The following MTAP variants were observed in gnomAD, a reference collection of about 807,000 sequenced individuals.
The protein encoded by MTAP is methylthioadenosine phosphorylase.
In MTAP, 33 loss-of-function variants were observed where a neutral mutation model predicts 33.6. The observed-to-expected ratio is 0.98, with a 90% CI of 0.74 to 1.31. The LOEUF (loss-of-function observed/expected upper bound fraction) is 1.31. Ranked by LOEUF, MTAP falls within the 40% of genes most tolerant of loss-of-function variation. The pLI is 0.00. For missense variants in MTAP, 367 were observed against 360.0 expected, an observed-to-expected ratio of 1.02 and a Z score of -0.16; for synonymous variants, 148 against 125.7, an observed-to-expected ratio of 1.18 and a Z score of -1.19.
In MTAP at chr9:21,865,843, T is replaced by C. The variant is rs6475592; in HGVS notation, c.*3829T>C. ...GTTGCATGCATCTGTAGCTTGTGCCTTTTTTATTGCCTAGTAGTATTCTGT... is the reference window on the plus strand; with the variant it reads ...GTTGCATGCATCTGTAGCTTGTGCCCTTTTTATTGCCTAGTAGTATTCTGT... On this transcript the variant is annotated 3_prime_UTR_variant, in exon 8 of 8. Transcript: ENST00000644715. 0.31 allele frequency: 289,319 copies of C among 948,484 alleles called. 50,382 individuals carry two copies. The highest frequency in any genetic ancestry group is 0.69 in the African/African-American group (39,148 of 56,846). 58.8% of individuals were successfully genotyped at this position (948,484 alleles called of 1,614,324 possible).
intron 4 of MTAP, among the ~76,000 whole-genome samples, chr9:21,828,018 A>G (rs1225846492): frequency 4.6e-5 from 7 of 152,306 alleles, no homozygotes; most frequent in Admixed American, 3.9e-4. Flanking sequence ...CATTTCCCAG[A>G]TCTTTTACTC....
At chr9:21,898,673 T>C (rs960426745) in intron 1 of MTAP, among the ~76,000 whole-genome samples, 1 of 151,992 alleles carries the variant, frequency 6.6e-6, no homozygotes. Flanking sequence ...CAAATCAAAA[T>C]TACAATGAGA....
rs1825825426 is a variant in MTAP, at chr9:21,864,839, T to C, written c.*2825T>C. ...TGCTCTGGCATCCACAGGATGCTCC[T>C]GGAGCCTCTTCTCTGGCTGCTACCT... On this transcript the variant is annotated 3_prime_UTR_variant, in exon 8 of 8. Coordinates refer to ENST00000644715, the MANE Select transcript of MTAP (RefSeq NM_002451.4). 1 of 985,502 alleles carries C rather than the reference T, an allele frequency of 1.0e-6. No homozygotes were observed. The highest frequency in any genetic ancestry group is 1.7e-5 in the African/African-American group (1 of 57,384). The allele number at this position is 985,502 out of a possible 1,614,324, so 61.0% of individuals were successfully genotyped here. A position where few individuals can be genotyped will look rare whatever the true frequency, so the allele number is the denominator to read the frequency against.
intron 5 of MTAP, among the ~76,000 whole-genome samples, chr9:21,850,223 C>T (rs1587245098): frequency 1.3e-5 from 2 of 152,160 alleles, no homozygotes; most frequent in African/African-American, 4.8e-5. Context: ...GGACCTTCTA[C>T]CTCAGTAAAA....
In MTAP at chr9:21,802,796, C is replaced by T; in HGVS notation, c.33+15C>T. On this transcript the variant is annotated intron_variant, in intron 1 of 7. Transcript: ENST00000644715. ...CCGCCGTGAAGGTGAGATGAGCCCT[C>T]CCAGCCGCAGCGGTTCGCCCTGCCG... is the stretch of plus-strand genomic sequence containing the variant. 2 of 1,612,856 alleles carry T rather than the reference C, an allele frequency of 1.2e-6. No individual in the cohort carries two copies. Among genetic ancestry groups the T allele is most frequent in the South Asian group, 1.1e-5 (1 of 90,948 alleles).
chr9:21,848,515 G>A (rs1382820591), intron 5 of MTAP, among the ~76,000 whole-genome samples: 1 of 152,144 alleles, frequency 6.6e-6, no homozygotes, highest in South Asian at 2.1e-4. Flanking sequence ...TTGGTTTGCT[G>A]AAATATGGAT....
chr9:21,877,191 A>AT (rs1292410638), intron 1 of MTAP, among the ~76,000 whole-genome samples: 2 of 152,040 alleles, frequency 1.3e-5, no homozygotes, highest in African/African-American at 4.8e-5. Flanking sequence ...AATGCTAGTA[A>AT]TTTTTGTACA....
intron 1 of MTAP, among the ~76,000 whole-genome samples, chr9:21,923,404 A>G (rs1013525629): frequency 2.0e-5 from 3 of 152,068 alleles, no homozygotes; most frequent in Admixed American, 1.3e-4. Context: ...GAGGAGAGAA[A>G]ATTCTTCCTT....
At chr9:21,899,823 A>G (rs1007041260) in intron 1 of MTAP, among the ~76,000 whole-genome samples, 3 of 152,216 alleles carry the variant, frequency 2.0e-5, no homozygotes, top group Non-Finnish European at 2.9e-5. Context: ...TACTGGTACA[A>G]AAACAGAAAC....
At chr9:21,874,761 G>A (rs1021134293) in intron 1 of MTAP, among the ~76,000 whole-genome samples, 2 of 150,470 alleles carry the variant, frequency 1.3e-5, no homozygotes, top group South Asian at 2.1e-4. Flanking sequence ...GGTTTGTTAC[G>A]GAGGTATACA....
intron 4 of MTAP, among the ~76,000 whole-genome samples, chr9:21,819,476 C>T (rs1021972580): frequency 2.6e-5 from 4 of 152,134 alleles, no homozygotes; most frequent in Admixed American, 6.5e-5. Flanking sequence ...GAACTAATCC[C>T]TTTTTATGGC....
At chr9:21,832,960 T>C (rs1483377907) in intron 4 of MTAP, among the ~76,000 whole-genome samples, 2 of 152,198 alleles carry the variant, frequency 1.3e-5, no homozygotes, top group African/African-American at 2.4e-5. Context: ...TCACCACCTA[T>C]GTAGAGTGAG....
chr9:21,902,761 G>C (rs1406147588), intron 1 of MTAP, among the ~76,000 whole-genome samples: 5 of 152,132 alleles, frequency 3.3e-5, no homozygotes, highest in African/African-American at 1.2e-4. Context: ...GGATCTACCA[G>C]AACAGAACCC....
intron 7 of MTAP, 113 bp from the exon 8 acceptor site, chr9:21,861,863 G>A: frequency 1.3e-6 from 1 of 763,776 alleles, no homozygotes; most frequent in Non-Finnish European, 2.3e-6. Flanking sequence ...TAAAGTGTAT[G>A]TTTCCTGCGT....
At chr9:21,885,702 A>G (rs375496874) in intron 1 of MTAP, among the ~76,000 whole-genome samples, 2 of 151,880 alleles carry the variant, frequency 1.3e-5, no homozygotes, top group Admixed American at 6.6e-5. Flanking sequence ...TTCACTTATA[A>G]TAATGGTCCC....
chr9:21,831,226 C>T (rs1373225398), intron 4 of MTAP, among the ~76,000 whole-genome samples: 1 of 152,210 alleles, frequency 6.6e-6, no homozygotes, highest in Non-Finnish European at 1.5e-5. Flanking sequence ...GCTCTTCTTT[C>T]TCTTTACCAT....
chr9:21,848,978 TAATC>T (rs1445120253), intron 5 of MTAP, among the ~76,000 whole-genome samples: 1 of 152,192 alleles, frequency 6.6e-6, no homozygotes, highest in East Asian at 1.9e-4. Flanking sequence ...ACTGGCTAAT[TAATC>T]ACAGCATTCC....
downstream of MTAP, among the ~76,000 whole-genome samples, chr9:21,870,779 C>CTTTTTT (rs777664959): frequency 7.6e-6 from 1 of 131,034 alleles, no homozygotes; most frequent in African/African-American, 2.8e-5. Flanking sequence ...ATTTTTTTTT[C>CTTTTTT]TTTTTTTTTT....
intron 1 of MTAP, chr9:21,803,382 G>C (rs909529530): frequency 1.9e-5 from 3 of 157,012 alleles, no homozygotes; most frequent in African/African-American, 7.2e-5. Flanking sequence ...GCGTAATACT[G>C]TAAGAATTCT....
Sources: allele counts gnomAD v4.1 joint callset (sites outside exome capture counted in the v4.1 genomes callset), GRCh38; gene constraint gnomAD v4.1.1; transcripts MANE v1.5; gene names NCBI Gene and HGNC (gene_info 2026-07-23, HGNC 2026-07-21).